The following VWA3B variants were observed in gnomAD, a reference collection of about 807,000 sequenced individuals.
The protein encoded by VWA3B is von Willebrand factor A domain containing 3B.
A neutral mutation model predicts 158.3 loss-of-function variants in VWA3B; 138 were observed. That is an observed-to-expected ratio of 0.87 (90% CI 0.76 to 1.00). The LOEUF (loss-of-function observed/expected upper bound fraction) is 1.00. Among genes scored for constraint, VWA3B ranks in the 50% least tolerant of loss-of-function variants. The probability of loss-of-function intolerance (pLI) is 0.00; values close to 1 mark genes in which losing one functional copy is unlikely to be tolerated. For missense variants in VWA3B, 1,555 were observed against 1,565.1 expected, an observed-to-expected ratio of 0.99 and a Z score of 0.11; for synonymous variants, 596 against 587.3, an observed-to-expected ratio of 1.01 and a Z score of -0.21.
chr2:98,210,761 G>A (rs1274892954), intron 12 of VWA3B, among the ~76,000 whole-genome samples: 2 of 152,180 alleles, frequency 1.3e-5, no homozygotes, highest in African/African-American at 4.8e-5. Context: ...TGGGATGGGG[G>A]CAGAGTCTGT....
chr2:98,117,748 CTTTTTTTTT>C (rs35080840), intron 3 of VWA3B, among the ~76,000 whole-genome samples: 2 of 119,472 alleles, frequency 1.7e-5, no homozygotes, highest in African/African-American at 6.9e-5. Context: ...CTTAAATTAC[CTTTTTTTTT>C]TTTTTTTTTT....
At chr2:98,265,660 A>T (rs1176287748) in intron 21 of VWA3B, among the ~76,000 whole-genome samples, 14 of 145,398 alleles carry the variant, frequency 9.6e-5, no homozygotes, top group Admixed American at 1.4e-4. Flanking sequence ...AGTCCCACCA[A>T]CAGTGTAAAA....
chr2:98,301,222 A>G (rs185750136), intron 25 of VWA3B, among the ~76,000 whole-genome samples: 5 of 151,418 alleles, frequency 3.3e-5, no homozygotes, highest in East Asian at 2.0e-4. Context: ...CCTGGGAGGC[A>G]GAGCTTGCAG....
chr2:98,194,613 C>G (rs1274782874), intron 12 of VWA3B, 121 bp downstream of exon 12: 1 of 1,179,306 alleles, frequency 8.5e-7, no homozygotes, highest in Non-Finnish European at 1.2e-6. Context: ...AGTGGCTTAA[C>G]ATGTAGACTT....
intron 12 of VWA3B, among the ~76,000 whole-genome samples, chr2:98,207,994 A>G (rs77618166): frequency 0.047 from 7,180 of 151,826 alleles, 256 homozygotes; most frequent in Middle Eastern, 0.082. Flanking sequence ...AGATTTATCT[A>G]TTTTTCTTTT....
At chr2:98,301,245 A>G (rs1004364643) in intron 25 of VWA3B, among the ~76,000 whole-genome samples, 2 of 151,282 alleles carry the variant, frequency 1.3e-5, no homozygotes, top group Non-Finnish European at 3.0e-5. Context: ...AGCCGAGATC[A>G]CACCACTGCA....
chr2:98,133,857 A>T lies in VWA3B; in HGVS notation c.906A>T (p.Val302=). ...CATTTGCCGAGAGAACAGAGTGTGTAGAATTTCCTGCATTCTCCACAAAGG... is the reference window on the plus strand; with the variant it reads ...CATTTGCCGAGAGAACAGAGTGTGTTGAATTTCCTGCATTCTCCACAAAGG... The part of the protein sequence containing the change: ...FHAFAERTEC[V]EFPAFSTKDG... The change falls in exon 7 of 28, where the codon GTA becomes GTT. Residue 302 remains valine, a synonymous_variant. Transcript: ENST00000477737. The T allele has an allele frequency of 6.2e-7, 1 of 1,614,190 alleles. No individual in the cohort carries two copies.
At chr2:98,167,431 G>T (rs1679180616) in intron 8 of VWA3B, among the ~76,000 whole-genome samples, 1 of 152,164 alleles carries the variant, frequency 6.6e-6, no homozygotes, top group African/African-American at 2.4e-5. Context: ...AAGAATGAAG[G>T]CCAGTGATTT....
chr2:98,243,172 G>T (rs1445754127), intron 19 of VWA3B, among the ~76,000 whole-genome samples: 1 of 151,910 alleles, frequency 6.6e-6, no homozygotes, highest in African/African-American at 2.4e-5. Flanking sequence ...TTTTGTACCT[G>T]CATTTTTCAA....
chr2:98,207,630 G>A, intron 12 of VWA3B: 1 of 475,180 alleles, frequency 2.1e-6, no homozygotes, highest in Non-Finnish European at 4.1e-6. Flanking sequence ...AGCAGATTTT[G>A]ATAGGTGAAC....
intron 21 of VWA3B, among the ~76,000 whole-genome samples, chr2:98,261,223 G>A (rs757687745): frequency 1.3e-5 from 2 of 151,646 alleles, no homozygotes; most frequent in Admixed American, 1.3e-4. Flanking sequence ...GGGAATTATA[G>A]TTAACCTCCT....
chr2:98,208,440 C>CT (rs1683205927), intron 12 of VWA3B, among the ~76,000 whole-genome samples: 1 of 151,918 alleles, frequency 6.6e-6, no homozygotes, highest in Admixed American at 6.6e-5. Context: ...TCATTTTTCT[C>CT]TTTTGTCTTG....
rs180998514 is a variant in VWA3B at position 98,203,581 on chromosome 2, G to A, written c.1738-8349G>A. 2.6e-5 allele frequency among the ~76,000 whole-genome samples: 4 copies of A among 152,316 alleles called. No homozygotes were observed. The East Asian group carries it at 7.7e-4, about 29-fold the overall frequency. On this transcript the variant is annotated intron_variant, in intron 12 of 27. Coordinates refer to ENST00000477737, the MANE Select transcript of VWA3B (RefSeq NM_144992.5). The stretch of plus-strand genomic sequence containing the variant: ...CCATGAATACAGTATGTCTCTCTGA[G>A]TATTTAGGTCTTTGATTTATTTCAT...
At chr2:98,230,297 GA>G in intron 16 of VWA3B, 90 bp downstream of exon 16, 1 of 1,303,998 alleles carries the variant, frequency 7.7e-7, no homozygotes, top group Non-Finnish European at 1.0e-6. Context: ...ATATTTTTAA[GA>G]AGCACTAAAC....
At chr2:98,220,829 A>G (rs2105623712) in intron 14 of VWA3B, among the ~76,000 whole-genome samples, 1 of 152,326 alleles carries the variant, frequency 6.6e-6, no homozygotes, top group Non-Finnish European at 1.5e-5. Context: ...AGGGACATGG[A>G]TGAAGCTGGA....
intron 22 of VWA3B, among the ~76,000 whole-genome samples, chr2:98,284,800 A>G (rs1689069672): frequency 6.6e-6 from 1 of 152,240 alleles, no homozygotes; most frequent in Admixed American, 6.5e-5. Context: ...AGACTCAAGA[A>G]TTATAATAAG....
At chr2:98,318,265 G>A (rs1691130146), downstream of VWA3B, among the ~76,000 whole-genome samples, 2 of 152,072 alleles carry the variant, frequency 1.3e-5, no homozygotes, top group African/African-American at 2.4e-5. Flanking sequence ...AAATACACAT[G>A]TATGTGTATG....
intron 8 of VWA3B, among the ~76,000 whole-genome samples, chr2:98,176,894 G>C (rs1178660854): frequency 6.6e-6 from 1 of 152,212 alleles, no homozygotes; most frequent in African/African-American, 2.4e-5. Flanking sequence ...CCCACTCTTG[G>C]AAACATCAGA....
chr2:98,146,880 C>T (rs773764942), intron 7 of VWA3B, among the ~76,000 whole-genome samples: 6 of 152,142 alleles, frequency 3.9e-5, no homozygotes, highest in Admixed American at 6.5e-5. Flanking sequence ...TGTATGAAGG[C>T]GTGGGCTCTA....
Sources: allele counts gnomAD v4.1 joint callset (sites outside exome capture counted in the v4.1 genomes callset), GRCh38; gene constraint gnomAD v4.1.1; transcripts MANE v1.5; gene names NCBI Gene and HGNC (gene_info 2026-07-23, HGNC 2026-07-21).